The following TRPM3 variants were observed in gnomAD, a reference collection of about 807,000 sequenced individuals.
TRPM3 encodes the protein long transient receptor potential channel 3.
In TRPM3, 77 loss-of-function variants were observed where a neutral mutation model predicts 181.2. That is an observed-to-expected ratio of 0.42 (90% CI 0.35 to 0.51). The LOEUF (loss-of-function observed/expected upper bound fraction) is 0.51, where lower values mean the gene tolerates loss of function less well. Ranked by LOEUF, TRPM3 falls within the 20% of genes least tolerant of loss-of-function variation. The pLI is 0.01. For missense variants in TRPM3, 1,759 were observed against 2,196.7 expected, an observed-to-expected ratio of 0.80 and a Z score of 3.98; for synonymous variants, 745 against 796.4, an observed-to-expected ratio of 0.94 and a Z score of 1.09.
intron 8 of TRPM3, among the ~76,000 whole-genome samples, chr9:70,699,973 T>TTTTG (rs1237555095): frequency 3.9e-5 from 6 of 152,066 alleles, no homozygotes; most frequent in African/African-American, 7.2e-5. Flanking sequence ...GGCTGCTCTT[T>TTTTG]TTTGTTTGTT....
chr9:71,296,135 C>T (rs2086240696), intron 1 of TRPM3, among the ~76,000 whole-genome samples: 1 of 152,162 alleles, frequency 6.6e-6, no homozygotes, highest in Non-Finnish European at 1.5e-5. Flanking sequence ...TGCTGCTTTA[C>T]ATACAGTTTC....
At chr9:71,187,912 T>C (rs868669106) in intron 1 of TRPM3, among the ~76,000 whole-genome samples, 3,427 of 109,958 alleles carry the variant, frequency 0.031, 141 homozygotes, top group African/African-American at 0.099. Flanking sequence ...GATAGATAGA[T>C]AGATAGATAG....
At chr9:71,004,207 G>A (rs1326714999) in intron 1 of TRPM3, among the ~76,000 whole-genome samples, 1 of 152,176 alleles carries the variant, frequency 6.6e-6, no homozygotes, top group Non-Finnish European at 1.5e-5. Flanking sequence ...TGCTGCAAGG[G>A]GGCACAATCC....
At chr9:71,109,096 CA>C (rs2070435720) in intron 1 of TRPM3, among the ~76,000 whole-genome samples, 1 of 152,178 alleles carries the variant, frequency 6.6e-6, no homozygotes, top group South Asian at 2.1e-4. Context: ...TCTGCAACAT[CA>C]GCTGTTCCTG....
At chr9:70,941,640 C>T (rs1051170677) in intron 1 of TRPM3, among the ~76,000 whole-genome samples, 1 of 152,176 alleles carries the variant, frequency 6.6e-6, no homozygotes, top group African/African-American at 2.4e-5. Flanking sequence ...GGATGGGGTA[C>T]TCCCATGGCC....
chr9:70,535,863 A>G lies in TRPM3; in HGVS notation c.*90T>C, dbSNP rs141756267. ...TGTTTTGCTCAGCTAAGAATAAAGC[A>G]GGTATGATTCAAGGAAAGGGGAAAA... On this transcript the variant is annotated 3_prime_UTR_variant, in exon 26 of 26. Coordinates refer to ENST00000677713, the MANE Select transcript of TRPM3 (RefSeq NM_001366145.2). The G allele has an allele frequency of 3.9e-4, 591 of 1,518,368 alleles. No individual in the cohort carries two copies. The African/African-American group carries it at 7.3e-3, about 19-fold the overall frequency. 94.1% of individuals were successfully genotyped at this position (1,518,368 alleles called of 1,614,324 possible). A position where few individuals can be genotyped will look rare whatever the true frequency, so the allele number is the denominator to read the frequency against.
chr9:71,182,971 T>A (rs1565313482), intron 1 of TRPM3, among the ~76,000 whole-genome samples: 1 of 152,052 alleles, frequency 6.6e-6, no homozygotes, highest in Non-Finnish European at 1.5e-5. Context: ...GTATTGAAAA[T>A]TTTTAAAGCC....
At chr9:70,774,811 C>A (rs890608739) in intron 7 of TRPM3, 1 of 152,148 alleles carries the variant, frequency 6.6e-6, no homozygotes, top group African/African-American at 2.4e-5. Flanking sequence ...TAAATATGTA[C>A]ATCGACTCTA....
chr9:70,870,564 G>A (rs999285728), intron 1 of TRPM3, among the ~76,000 whole-genome samples: 5 of 152,092 alleles, frequency 3.3e-5, no homozygotes, highest in African/African-American at 9.6e-5. Flanking sequence ...AGAGATGTGA[G>A]CACACAGAGA....
At chr9:71,115,218 T>C (rs910844570) in intron 1 of TRPM3, among the ~76,000 whole-genome samples, 1 of 140,488 alleles carries the variant, frequency 7.1e-6, no homozygotes, top group Non-Finnish European at 1.6e-5. Context: ...TATGGCAGCT[T>C]TTTTCAACGT....
At chr9:70,616,616 T>C (rs2062822566) in intron 17 of TRPM3, among the ~76,000 whole-genome samples, 1 of 145,052 alleles carries the variant, frequency 6.9e-6, no homozygotes, top group African/African-American at 2.6e-5. Context: ...CTTGAGAGAA[T>C]ACATGTAGGA....
At position 71,330,789 on chromosome 9, in the gene TRPM3, G is replaced by A. The variant is rs536941753; in HGVS notation, c.183+115864C>T. On this transcript the variant is annotated intron_variant, in intron 1 of 24. Transcript: ENST00000357533. ...CAAGTATGTCAGATGACCATGAGAAGGATTCACACAGATACAGGAGGCAGA... is the reference window on the plus strand; with the variant it reads ...CAAGTATGTCAGATGACCATGAGAAAGATTCACACAGATACAGGAGGCAGA... Among the ~76,000 whole-genome samples, 6 of 151,844 alleles carry A rather than the reference G, an allele frequency of 4.0e-5. No homozygotes were observed. In the South Asian group the frequency reaches 1.2e-3, roughly 32 times the overall value.
chr9:71,170,402 T>A (rs1451811351), intron 1 of TRPM3, among the ~76,000 whole-genome samples: 1 of 152,154 alleles, frequency 6.6e-6, no homozygotes, highest in Non-Finnish European at 1.5e-5. Flanking sequence ...TGGATTAAGC[T>A]TAGGTCTTTA....
At chr9:71,219,580 C>G (rs2080106399) in intron 1 of TRPM3, among the ~76,000 whole-genome samples, 1 of 152,210 alleles carries the variant, frequency 6.6e-6, no homozygotes, top group Non-Finnish European at 1.5e-5. Flanking sequence ...AAATTGCACA[C>G]TCTCCTACAG....
intron 1 of TRPM3, among the ~76,000 whole-genome samples, chr9:70,868,312 A>G (rs996992452): frequency 4.6e-5 from 7 of 152,068 alleles, no homozygotes; most frequent in Non-Finnish European, 1.0e-4. Flanking sequence ...CATATTCAAG[A>G]CAGAAATGAG....
Position 70,529,692 on chromosome 9 carries a change from CCT to C in TRPM3, c.*6259_*6260del, listed in dbSNP as rs2131526404. 1 of 152,260 alleles carries C rather than the reference CCT, an allele frequency of 6.6e-6. No homozygotes were observed. The highest frequency in any genetic ancestry group is 1.9e-4 in the East Asian group (1 of 5,180). 9.4% of individuals were successfully genotyped at this position (152,260 alleles called of 1,614,324 possible). A position where few individuals can be genotyped will look rare whatever the true frequency, so the allele number is the denominator to read the frequency against. ...TGAATAAGGCGAGTTTCTTTTCCCC[CCT>C]CTCGGTTCTCAGTGTATTTTGTGTG... On this transcript the variant is annotated 3_prime_UTR_variant, in exon 26 of 26. Coordinates refer to ENST00000677713, the MANE Select transcript of TRPM3 (RefSeq NM_001366145.2).
intron 9 of TRPM3, among the ~76,000 whole-genome samples, chr9:70,657,288 G>A (rs1452683260): frequency 1.9e-4 from 3 of 15,768 alleles, no homozygotes; most frequent in Admixed American, 2.4e-3. Context: ...CTCTTAAATT[G>A]TAAGTTTTTT....
At chr9:71,286,727 G>C (rs897338749) in intron 1 of TRPM3, among the ~76,000 whole-genome samples, 1 of 151,688 alleles carries the variant, frequency 6.6e-6, no homozygotes, top group African/African-American at 2.4e-5. Flanking sequence ...CCTAGCCATT[G>C]TCAGCTTCTC....
At chr9:70,802,479 C>T (rs2089406168) in intron 6 of TRPM3, among the ~76,000 whole-genome samples, 1 of 152,162 alleles carries the variant, frequency 6.6e-6, no homozygotes, top group Non-Finnish European at 1.5e-5. Context: ...ATTTGGCCCA[C>T]TAGTTGTAGT....
Sources: allele counts gnomAD v4.1 joint callset (sites outside exome capture counted in the v4.1 genomes callset), GRCh38; gene constraint gnomAD v4.1.1; transcripts MANE v1.5; gene names NCBI Gene and HGNC (gene_info 2026-07-23, HGNC 2026-07-21).